Variants in AMBRA1 observed in about 807,000 individuals in gnomAD.
AMBRA1 encodes activating molecule in BECN1-regulated autophagy protein 1.
A neutral mutation model predicts 125.4 loss-of-function variants in AMBRA1; 47 were observed. That is an observed-to-expected ratio of 0.37 (90% confidence interval 0.30 to 0.48). The LOEUF (loss-of-function observed/expected upper bound fraction) is 0.48. Among genes scored for constraint, AMBRA1 ranks in the 20% least tolerant of loss-of-function variants. The probability of loss-of-function intolerance (pLI) is 0.99; values close to 1 mark genes in which losing one functional copy is unlikely to be tolerated. For missense variants in AMBRA1, 1,331 were observed against 1,693.4 expected (o/e 0.79, Z 3.76); for synonymous variants, 626 against 655.5 (o/e 0.95, Z 0.69).
intron 14 of AMBRA1, among the ~76,000 whole-genome samples, chr11:46,423,845 T>C (rs10734546): frequency 0.99 from 146,850 of 148,522 alleles, 72,621 homozygotes; most frequent in Non-Finnish European, 1. Flanking sequence ...CTCACCACAA[T>C]CTCTGCCTCC....
At chr11:46,485,691 A>G (rs1367133843) in intron 11 of AMBRA1, among the ~76,000 whole-genome samples, 2 of 152,262 alleles carry the variant, frequency 1.3e-5, no homozygotes, top group Admixed American at 6.5e-5. Context: ...CGGGTAAAGC[A>G]TAAGTGGGGA....
At chr11:46,548,053 G>A (rs2042881489) in intron 2 of AMBRA1, among the ~76,000 whole-genome samples, 178 bp from the exon 3 acceptor site, 1 of 152,076 alleles carries the variant, frequency 6.6e-6, no homozygotes, top group African/African-American at 2.4e-5. Context: ...CAGGAAAACT[G>A]TCTAGCTCTA....
rs1317090287 is a variant in AMBRA1 at position 46,542,022 on chromosome 11, G to A, written c.1995C>T (p.Ser665=). The change falls in exon 7 of 18, where the codon AGC becomes AGT. Residue 665 remains serine (S), a synonymous_variant. Transcript: ENST00000683756. The surrounding 1 kb of genome is among the most constrained non-coding windows in gnomAD (Gnocchi z 5.9). The stretch of plus-strand genomic sequence containing the variant: ...CCTCCTGTGACACAGTTCCAGATCT[G>A]CTGGACTGGGTGTAAATTCTTTCCC... ...GHWERIYTQS[S]RSGTVSQEAL... is the part of the protein sequence containing the mutation. 1.2e-6 allele frequency: 2 copies of A among 1,613,972 alleles called. No individual in the cohort carries two copies. Among genetic ancestry groups the A allele is most frequent in the Non-Finnish European group, 1.7e-6 (2 of 1,179,984 alleles).
At chr11:46,470,827 TCAGA>T (rs1164284651) in intron 11 of AMBRA1, among the ~76,000 whole-genome samples, 1 of 152,126 alleles carries the variant, frequency 6.6e-6, no homozygotes, top group East Asian at 1.9e-4. Flanking sequence ...TGTTTACTCA[TCAGA>T]CAAATATTTG....
At chr11:46,499,549 T>G (rs150226521) in intron 9 of AMBRA1, among the ~76,000 whole-genome samples, 1 of 152,230 alleles carries the variant, frequency 6.6e-6, no homozygotes, top group South Asian at 2.1e-4. Context: ...TACAAATACA[T>G]TGAGGCTCGA....
chr11:46,409,276 C>T lies in AMBRA1; in HGVS notation c.3210-570G>A, dbSNP rs149006799. Among the ~76,000 whole-genome samples, 353 of 152,114 alleles carry T rather than the reference C, an allele frequency of 2.3e-3. 2 individuals are homozygous for T. The highest frequency in any genetic ancestry group is 5.4e-3 in the Admixed American group (83 of 15,264). ...GCTGTAGTGGCGCAATCTCAGCTCACTGCAACCTCTGCCTCCAGGATTCAA... is the reference window on the plus strand; with the variant it reads ...GCTGTAGTGGCGCAATCTCAGCTCATTGCAACCTCTGCCTCCAGGATTCAA... On this transcript the variant is annotated intron_variant, in intron 16 of 17. Transcript: ENST00000683756.
At chr11:46,508,443 G>C in intron 8 of AMBRA1, 73 bp from the exon 9 acceptor site, 1 of 1,455,188 alleles carries the variant, frequency 6.9e-7, no homozygotes, top group Non-Finnish European at 9.4e-7. Context: ...AGTTAATCCA[G>C]CTCTCCCATG....
intron 1 of AMBRA1, among the ~76,000 whole-genome samples, chr11:46,570,337 C>CCT (rs2043712473): frequency 6.6e-6 from 1 of 151,134 alleles, no homozygotes; most frequent in Admixed American, 6.6e-5. Flanking sequence ...CTCTAAGTCT[C>CCT]CTCCATGGAA....
At chr11:46,561,333 A>G (rs892665626) in intron 1 of AMBRA1, among the ~76,000 whole-genome samples, 3 of 151,932 alleles carry the variant, frequency 2.0e-5, no homozygotes, top group African/African-American at 4.8e-5. Flanking sequence ...GTGAGCCGAG[A>G]TCATGCCATT....
At chr11:46,405,640 C>G (rs1037132775) in intron 17 of AMBRA1, among the ~76,000 whole-genome samples, 2 of 151,926 alleles carry the variant, frequency 1.3e-5, no homozygotes, top group Non-Finnish European at 2.9e-5. Context: ...GCAGGAAGAT[C>G]GCTTGAGCCT....
chr11:46,460,361 G>GC (rs1484208460), intron 11 of AMBRA1, among the ~76,000 whole-genome samples: 1 of 143,096 alleles, frequency 7.0e-6, no homozygotes, highest in African/African-American at 2.6e-5. Context: ...TCGCTCTGTT[G>GC]CCCAGGCTGG....
chr11:46,565,821 G>A (rs1376263702), intron 1 of AMBRA1, among the ~76,000 whole-genome samples: 2 of 151,868 alleles, frequency 1.3e-5, no homozygotes. Flanking sequence ...CCAGGCTGGA[G>A]TGGGTAGCAT....
chr11:46,465,688 C>T (rs556703106), intron 11 of AMBRA1, among the ~76,000 whole-genome samples: 1 of 152,204 alleles, frequency 6.6e-6, no homozygotes, highest in Admixed American at 6.5e-5. Context: ...TGGCTCTTTG[C>T]AGTGTAAGGG....
chr11:46,523,279 C>T (rs1951834387), intron 7 of AMBRA1, among the ~76,000 whole-genome samples: 1 of 152,194 alleles, frequency 6.6e-6, no homozygotes, highest in Non-Finnish European at 1.5e-5. Flanking sequence ...TCACCCTGAT[C>T]TTGACTTCAG....
chr11:46,592,705 C>A (rs1033282357), intron 1 of AMBRA1, among the ~76,000 whole-genome samples: 2 of 151,850 alleles, frequency 1.3e-5, no homozygotes, highest in African/African-American at 4.8e-5. Context: ...TTGCAGTGAG[C>A]CAAGATCGCG....
In AMBRA1 at chr11:46,548,446, C is replaced by A; in HGVS notation, c.-66G>T. Reference sequence around the variant, plus strand: ...AGGAGCAAGTAACAGCTCCAACACACTGAAGCAGCTAAAATGAGGCCATAC... The same window carrying A: ...AGGAGCAAGTAACAGCTCCAACACAATGAAGCAGCTAAAATGAGGCCATAC... On this transcript the variant is annotated 5_prime_UTR_variant, in exon 2 of 18. Transcript: ENST00000683756. 6.3e-7 allele frequency: 1 copy of A among 1,596,106 alleles called. No individual in the cohort carries two copies. The highest frequency in any genetic ancestry group is 8.5e-7 in the Non-Finnish European group (1 of 1,171,654).
intron 12 of AMBRA1, among the ~76,000 whole-genome samples, chr11:46,437,778 C>T (rs1204103772): frequency 6.6e-6 from 1 of 152,146 alleles, no homozygotes; most frequent in Admixed American, 6.5e-5. Flanking sequence ...CAAAGAACAA[C>T]TAACTCATCC....
At chr11:46,484,915 G>C (rs1437986278) in intron 11 of AMBRA1, among the ~76,000 whole-genome samples, 2 of 150,736 alleles carry the variant, frequency 1.3e-5, no homozygotes, top group Non-Finnish European at 1.5e-5. Context: ...AAAGTGCTGG[G>C]ATTACAGGTG....
chr11:46,499,309 C>A (rs1362938900), intron 9 of AMBRA1, among the ~76,000 whole-genome samples: 1 of 152,188 alleles, frequency 6.6e-6, no homozygotes, highest in African/African-American at 2.4e-5. Context: ...GTAATTCTTT[C>A]CTGCTGTATT....
Sources: gnomAD v4.1 joint callset for allele counts (sites outside exome capture counted in the v4.1 genomes callset) on GRCh38, gnomAD v4.1.1 for gene constraint, Gnocchi (gnomAD v3.1) non-coding constraint, MANE v1.5 for transcripts, NCBI Gene and HGNC (gene_info 2026-07-23, HGNC 2026-07-21) for gene names.